The following CABIN1 variants were observed in gnomAD, a reference collection of about 807,000 sequenced individuals.
CABIN1 encodes the protein calcineurin-binding protein cabin-1.
In CABIN1, 133 loss-of-function variants were observed where a neutral mutation model predicts 227.7. The observed-to-expected ratio is 0.58, with a 90% CI of 0.51 to 0.67. The LOEUF (loss-of-function observed/expected upper bound fraction) is 0.67, where lower values mean the gene tolerates loss of function less well. Ranked by LOEUF, CABIN1 falls within the 30% of genes least tolerant of loss-of-function variation. The probability of loss-of-function intolerance (pLI) is 0.00; values close to 1 mark genes in which losing one functional copy is unlikely to be tolerated. For missense variants in CABIN1, 2,408 were observed against 2,852.5 expected, an observed-to-expected ratio of 0.84 and a Z score of 3.55; for synonymous variants, 1,086 against 1,155.1, an observed-to-expected ratio of 0.94 and a Z score of 1.21.
At chr22:24,132,793 G>A (rs2044151462) in intron 28 of CABIN1, among the ~76,000 whole-genome samples, 1 of 152,098 alleles carries the variant, frequency 6.6e-6, no homozygotes, top group African/African-American at 2.4e-5. Flanking sequence ...TCTCCATGTT[G>A]GTCAGGCTGG....
rs919439892 is a variant in CABIN1, at chr22:24,110,223, C to G, written c.4118-3343C>G. 2.0e-5 allele frequency among the ~76,000 whole-genome samples: 3 copies of G among 152,266 alleles called. No homozygotes were observed. In the South Asian group the frequency reaches 6.2e-4, roughly 32 times the overall value. Reference sequence around the variant, plus strand: ...CTCTACTATTGGTTTATTATAGTATCATTTTTTTAAAAAAATGTAGTTGTT... The same window carrying G: ...CTCTACTATTGGTTTATTATAGTATGATTTTTTTAAAAAAATGTAGTTGTT... On this transcript the variant is annotated intron_variant, in intron 26 of 36. Coordinates refer to ENST00000263119, the MANE Select transcript of CABIN1 (RefSeq NM_012295.4).
chr22:24,050,802 C>T (rs2038267379), intron 7 of CABIN1, 23 bp from the exon 8 acceptor site: 1 of 1,613,928 alleles, frequency 6.2e-7, no homozygotes, highest in Non-Finnish European at 8.5e-7. Context: ...ATGATAATTT[C>T]TCCCTGTCTC....
chr22:24,120,887 G>A (rs891555626), intron 28 of CABIN1, among the ~76,000 whole-genome samples: 1 of 152,194 alleles, frequency 6.6e-6, no homozygotes, highest in Non-Finnish European at 1.5e-5. Flanking sequence ...ATACCACAGA[G>A]AAAATAACGG....
chr22:24,102,702 T>C (rs2070468), intron 26 of CABIN1, among the ~76,000 whole-genome samples: 12,900 of 151,878 alleles, frequency 0.085, 671 homozygotes, highest in East Asian at 0.3. Context: ...TCTTGAGGGG[T>C]TGGGGAGAGG....
chr22:24,051,124 G>A lies in CABIN1; in HGVS notation c.806+150G>A, dbSNP rs781505309. 349 of 956,426 alleles carry A rather than the reference G, an allele frequency of 3.6e-4. 2 individuals are homozygous for A. Among genetic ancestry groups the A allele is most frequent in the Non-Finnish European group, 5.3e-4 (324 of 612,090 alleles). The allele number at this position is 956,426 out of a possible 1,614,324, so 59.2% of individuals were successfully genotyped here. ...GGTGCACAGTGGCCAAATGGTTGGA[G>A]GTGCATGCTTACTTGATTACTAAGA... On this transcript the variant is annotated intron_variant, in intron 8 of 36. Transcript: ENST00000263119.
In CABIN1 at chr22:24,076,303, G is replaced by A. The variant is rs778823559; in HGVS notation, c.2748+19G>A. On this transcript the variant is annotated intron_variant, in intron 19 of 36. Transcript: ENST00000263119. ...ATTCTATGTAAGTGCTTCCCCTTGGGCTGCAGACTGCCAGTGCGGGGCAGG... is the reference window on the plus strand; with the variant it reads ...ATTCTATGTAAGTGCTTCCCCTTGGACTGCAGACTGCCAGTGCGGGGCAGG... The A allele has an allele frequency of 6.3e-7, 1 of 1,593,766 alleles. No individual in the cohort carries two copies. The highest frequency in any genetic ancestry group is 1.1e-5 in the South Asian group (1 of 90,626).
chr22:24,072,903 C>T (rs181730550), intron 18 of CABIN1, among the ~76,000 whole-genome samples: 2 of 152,310 alleles, frequency 1.3e-5, no homozygotes, highest in African/African-American at 2.4e-5. Context: ...GTTCCACATC[C>T]CAACTGTCAC....
intron 2 of CABIN1, among the ~76,000 whole-genome samples, chr22:24,035,816 G>T (rs557126182): frequency 6.6e-6 from 1 of 152,060 alleles, no homozygotes; most frequent in African/African-American, 2.4e-5. Context: ...GGTGTCCCCA[G>T]TGTCTGTTGC....
Position 24,060,007 on chromosome 22 carries a change from A to G in CABIN1, c.1483A>G (p.Met495Val), listed in dbSNP as rs2039075831. ...LELMMRYLKA[M>V]GHKFLVRWPP... ...GCTGATGATGCGCTACCTGAAAGCC[A>G]TGGGCCACAAGTTCTTGGTAAGGTG... Residue 495 changes from methionine to valine, a missense_variant, in exon 12 of 37, where the codon ATG (methionine) becomes GTG (valine). Physicochemically the swap from Met to Val is conservative, Grantham distance 21 (BLOSUM62 1). Around this residue, in one of 3 missense-constraint regions of CABIN1, gnomAD observed 1,045 missense variants for 1,168.4 expected, o/e 0.89. Coordinates refer to ENST00000263119, the MANE Select transcript of CABIN1 (RefSeq NM_012295.4). 1.9e-6 allele frequency: 3 copies of G among 1,614,100 alleles called. No homozygotes were observed. The highest frequency in any genetic ancestry group is 2.2e-5 in the East Asian group (1 of 44,894).
chr22:24,034,670 A>G (rs943215139), intron 1 of CABIN1, among the ~76,000 whole-genome samples: 1 of 152,192 alleles, frequency 6.6e-6, no homozygotes, highest in South Asian at 2.1e-4. Context: ...TAACATTTTG[A>G]GGAACTAGCA....
At chr22:24,023,207 A>G (rs2035849261) in intron 1 of CABIN1, among the ~76,000 whole-genome samples, 1 of 152,252 alleles carries the variant, frequency 6.6e-6, no homozygotes, top group Non-Finnish European at 1.5e-5. Context: ...CATTCATGTT[A>G]TAGAGCATGT....
chr22:24,040,761 C>T (rs973886838), intron 4 of CABIN1, among the ~76,000 whole-genome samples: 1 of 152,228 alleles, frequency 6.6e-6, no homozygotes, highest in African/African-American at 2.4e-5. Flanking sequence ...AGGCCTTCTG[C>T]CCCCAGGCAG....
intron 24 of CABIN1, among the ~76,000 whole-genome samples, chr22:24,092,615 G>C (rs900207270): frequency 6.6e-6 from 1 of 151,920 alleles, no homozygotes; most frequent in African/African-American, 2.4e-5. Context: ...TGCCCAGCAA[G>C]CCTCTTGGAG....
chr22:24,121,326 A>G (rs1447712134), intron 28 of CABIN1, among the ~76,000 whole-genome samples: 1 of 152,222 alleles, frequency 6.6e-6, no homozygotes, highest in African/African-American at 2.4e-5. Flanking sequence ...GTGTCCCCAC[A>G]GTGACCGGTA....
chr22:24,023,596 TG>T (rs2035873782), intron 1 of CABIN1, among the ~76,000 whole-genome samples: 1 of 152,226 alleles, frequency 6.6e-6, no homozygotes, highest in South Asian at 2.1e-4. Context: ...GCCATTCTAG[TG>T]GATGGAAATA....
intron 19 of CABIN1, 23 bp downstream of exon 19, chr22:24,076,307 C>T (rs1206696434): frequency 1.3e-6 from 2 of 1,584,378 alleles, no homozygotes; most frequent in Non-Finnish European, 1.7e-6. Context: ...CCTTGGGCTG[C>T]AGACTGCCAG....
At chr22:24,029,981 C>T (rs1008042954) in intron 1 of CABIN1, among the ~76,000 whole-genome samples, 2 of 152,118 alleles carry the variant, frequency 1.3e-5, no homozygotes, top group African/African-American at 4.8e-5. Context: ...GAGGTACCTC[C>T]CTATAAAATG....
chr22:24,139,688 A>G (rs1008823683), intron 29 of CABIN1, among the ~76,000 whole-genome samples: 1 of 152,160 alleles, frequency 6.6e-6, no homozygotes, highest in African/African-American at 2.4e-5. Context: ...GCTGCTGCCC[A>G]GTCTCCTTGG....
At chr22:24,074,648 AT>A (rs2040317101) in intron 18 of CABIN1, among the ~76,000 whole-genome samples, 1 of 152,182 alleles carries the variant, frequency 6.6e-6, no homozygotes, top group East Asian at 1.9e-4. Context: ...TGGTGAGGAT[AT>A]TATCACCCAG....
Sources: allele counts gnomAD v4.1 joint callset (sites outside exome capture counted in the v4.1 genomes callset), GRCh38; gene constraint gnomAD v4.1.1; regional missense constraint gnomAD v4.1.1; transcripts MANE v1.5; gene names NCBI Gene and HGNC (gene_info 2026-07-23, HGNC 2026-07-21).